Variants in ABCC1 observed in about 807,000 individuals in gnomAD.
ABCC1 encodes multidrug resistance-associated protein 1.
Under a neutral mutation model 172.9 loss-of-function variants are expected in ABCC1, and 83 were observed. That is an observed-to-expected ratio of 0.48 (90% CI 0.40 to 0.58). The LOEUF is 0.58. Among genes scored for constraint, ABCC1 ranks in the 20% least tolerant of loss-of-function variants. The probability of loss-of-function intolerance (pLI) is 0.00; values close to 1 mark genes in which losing one functional copy is unlikely to be tolerated. For synonymous variants in ABCC1, 937 were observed against 825.2 expected (o/e 1.14, Z -2.32); for missense variants, 1,817 against 2,002.7 (o/e 0.91, Z 1.77).
chr16:16,095,345 G>A (rs1415292235), intron 19 of ABCC1: 1 of 152,218 alleles, frequency 6.6e-6, no homozygotes, highest in Non-Finnish European at 1.5e-5. Context: ...CTAATACCTA[G>A]AGCAGTGGTT....
intron 12 of ABCC1, among the ~76,000 whole-genome samples, chr16:16,064,423 G>C (rs2050036606): frequency 6.6e-6 from 1 of 152,218 alleles, no homozygotes; most frequent in South Asian, 2.1e-4. Flanking sequence ...CCCAGCGCAT[G>C]ATGGGTGCTC....
rs565521791 is a variant in ABCC1, at chr16:15,980,148, G to A, written c.49-27668G>A. Among the ~76,000 whole-genome samples, 14 of 152,202 alleles carry A rather than the reference G, an allele frequency of 9.2e-5. No individual in the cohort carries two copies. In the South Asian group the frequency reaches 2.9e-3, roughly 32 times the overall value. On this transcript the variant is annotated intron_variant, in intron 1 of 30. Transcript: ENST00000399410. ...GGGTTGGCATGCTTTTTCTGTGAAGGGTTAGGTAGTACATATTTTAGGTCT... is the reference window on the plus strand; with the variant it reads ...GGGTTGGCATGCTTTTTCTGTGAAGAGTTAGGTAGTACATATTTTAGGTCT...
chr16:16,036,536 GA>G lies in ABCC1; in HGVS notation c.743del (p.Asp248AlafsTer11). 6.2e-7 allele frequency: 1 copy of G among 1,614,120 alleles called. No individual in the cohort carries two copies. Among genetic ancestry groups the G allele is most frequent in the Non-Finnish European group, 8.5e-7 (1 of 1,179,950 alleles). Reference sequence around the variant, plus strand: ...TGACCTCTGGTCCTTAAACAAGGAGGACACGTCGGAACAAGTCGTGCCTGTT... The same window carrying G: ...TGACCTCTGGTCCTTAAACAAGGAGGCACGTCGGAACAAGTCGTGCCTGTT... ...GSDLWSLNKE[D>X]TSEQVVPVLV... On this transcript the variant is annotated frameshift_variant, in exon 7 of 31. Coordinates refer to ENST00000399410, the MANE Select transcript of ABCC1 (RefSeq NM_004996.4). LOFTEE classifies it high-confidence loss of function.
intron 7 of ABCC1, 124 bp downstream of exon 7, chr16:16,036,727 T>C (rs1056351369): frequency 9.7e-7 from 1 of 1,032,282 alleles, no homozygotes; most frequent in Non-Finnish European, 1.4e-6. Context: ...CTGGGCAAGA[T>C]GCCTCACTTC....
chr16:16,001,388 A>G (rs1402263750), intron 1 of ABCC1, among the ~76,000 whole-genome samples: 2 of 151,716 alleles, frequency 1.3e-5, no homozygotes, highest in African/African-American at 4.8e-5. Context: ...AATTTTTTGT[A>G]TTTTTAGTAG....
At chr16:15,975,541 G>GT (rs112315263) in intron 1 of ABCC1, among the ~76,000 whole-genome samples, 3,373 of 86,772 alleles carry the variant, frequency 0.039, 133 homozygotes, top group African/African-American at 0.096. Flanking sequence ...TTTTGTGGTG[G>GT]TTTTTTTTGT....
chr16:16,066,261 A>G (rs1053838698), intron 12 of ABCC1, among the ~76,000 whole-genome samples: 1 of 151,820 alleles, frequency 6.6e-6, no homozygotes, highest in African/African-American at 2.4e-5. Context: ...GCCTCACTAC[A>G]ACGTTTGCCT....
intron 3 of ABCC1, among the ~76,000 whole-genome samples, chr16:16,013,828 G>A (rs2047888571): frequency 6.6e-6 from 1 of 152,102 alleles, no homozygotes. Flanking sequence ...AGGACCAGCT[G>A]CGGAGAAAAG....
At chr16:15,965,592 C>T (rs189126812) in intron 1 of ABCC1, among the ~76,000 whole-genome samples, 7 of 150,804 alleles carry the variant, frequency 4.6e-5, no homozygotes, top group African/African-American at 1.7e-4. Flanking sequence ...GTGCCCAGCC[C>T]CTTTCTCCCT....
intron 6 of ABCC1, among the ~76,000 whole-genome samples, chr16:16,035,541 A>G (rs958308694): frequency 2.7e-5 from 4 of 148,738 alleles, no homozygotes; most frequent in Admixed American, 6.8e-5. Flanking sequence ...CCCAGGCTGG[A>G]GTGCAGTGAC....
At chr16:16,104,648 C>T (rs1169830975) in intron 20 of ABCC1, among the ~76,000 whole-genome samples, 1 of 152,236 alleles carries the variant, frequency 6.6e-6, no homozygotes, top group Non-Finnish European at 1.5e-5. Context: ...AGCTGCCTGC[C>T]AGTCCCGTGC....
At chr16:16,019,664 C>T (rs903281285) in intron 5 of ABCC1, among the ~76,000 whole-genome samples, 7 of 152,164 alleles carry the variant, frequency 4.6e-5, no homozygotes, top group Non-Finnish European at 8.8e-5. Flanking sequence ...TCACTTCTCC[C>T]CTGGGCGTGT....
rs760447045 is a variant in ABCC1, at chr16:16,033,130, G to C, written c.637G>C (p.Ala213Pro). 2 of 1,614,092 alleles carry C rather than the reference G, an allele frequency of 1.2e-6. No individual in the cohort carries two copies. Among genetic ancestry groups the C allele is most frequent in the Non-Finnish European group, 1.7e-6 (2 of 1,180,024 alleles). The change falls in exon 6 of 31, where the codon GCT becomes CCT. Residue 213 changes from alanine to proline, a missense_variant. Ala to Pro is a conservative substitution (Grantham distance 27, BLOSUM62 -1). This residue lies in a region of ABCC1 where 398 missense variants were observed against 384.2 expected (regional missense o/e 1.04). Coordinates refer to ENST00000399410, the MANE Select transcript of ABCC1 (RefSeq NM_004996.4). ...HDPNPCPESS[A>P]SFLSRITFWW... ...CTAGAATCCCTGCCCAGAGTCCAGCGCTTCCTTCCTGTCGAGGATCACCTT... is the reference window on the plus strand; with the variant it reads ...CTAGAATCCCTGCCCAGAGTCCAGCCCTTCCTTCCTGTCGAGGATCACCTT...
Position 16,007,826 on chromosome 16 carries a change from T to C in ABCC1, c.59T>C (p.Val20Ala). ...TGTTTGTGTTCGCAGGACTGGAATG[T>C]CACGTGGAATACCAGCAACCCCGAC... is the stretch of plus-strand genomic sequence containing the variant. ...DGSDPLWDWN[V>A]TWNTSNPDFT... The change falls in exon 2 of 31, where the codon GTC becomes GCC. Residue 20 changes from valine to alanine, a missense_variant. By Grantham distance (64) the Val-to-Ala change is moderately conservative. Transcript: ENST00000399410. 1 of 1,612,382 alleles carries C rather than the reference T, an allele frequency of 6.2e-7. No homozygotes were observed. The highest frequency in any genetic ancestry group is 1.3e-5 in the African/African-American group (1 of 74,992).
intron 20 of ABCC1, among the ~76,000 whole-genome samples, chr16:16,103,975 TCTCGCTGGC>T (rs1332326698): frequency 1.3e-5 from 2 of 152,118 alleles, no homozygotes; most frequent in Non-Finnish European, 2.9e-5. Flanking sequence ...GGGTTCGTGG[TCTCGCTGGC>T]CTCAGGAGTG....
chr16:16,106,708 G>T, intron 20 of ABCC1, 30 bp from the exon 21 acceptor site: 2 of 1,613,536 alleles, frequency 1.2e-6, no homozygotes, highest in African/African-American at 1.3e-5. Context: ...GCATCTGTAC[G>T]GTTGACACCC....
At chr16:16,082,006 G>C (rs1381114930) in intron 16 of ABCC1, among the ~76,000 whole-genome samples, 2 of 152,046 alleles carry the variant, frequency 1.3e-5, no homozygotes, top group Non-Finnish European at 2.9e-5. Flanking sequence ...CGACAGCAAG[G>C]CTTCGTTTCA....
intron 13 of ABCC1, among the ~76,000 whole-genome samples, chr16:16,068,722 C>T (rs984418597): frequency 3.3e-5 from 5 of 152,164 alleles, no homozygotes; most frequent in African/African-American, 9.7e-5. Context: ...CGCGGCGGCT[C>T]ATGCCTGTAT....
chr16:16,118,736 G>A (rs1212885083), intron 23 of ABCC1, among the ~76,000 whole-genome samples: 5 of 152,064 alleles, frequency 3.3e-5, no homozygotes, highest in African/African-American at 1.2e-4. Flanking sequence ...AATGCATAAT[G>A]TGTGTGGGCA....
Sources: gnomAD v4.1 joint callset for allele counts (sites outside exome capture counted in the v4.1 genomes callset) on GRCh38, gnomAD v4.1.1 for gene constraint, gnomAD v4.1.1 regional missense constraint, MANE v1.5 for transcripts, NCBI Gene and HGNC (gene_info 2026-07-23, HGNC 2026-07-21) for gene names.